VPS50: variants seen among roughly 807,000 people sequenced by gnomAD.
VPS50 encodes VPS50 subunit of EARP/GARPII complex.
VPS50 carries 70 observed loss-of-function variants against 139.7 expected under a neutral mutation model. The ratio of observed to expected loss-of-function variants is 0.50; its 90% CI spans 0.41 to 0.61. The LOEUF is 0.61. VPS50 is among the 20% of genes least tolerant of loss of function. VPS50 has a pLI of 0.00. For synonymous variants in VPS50, 365 were observed against 376.7 expected, an observed-to-expected ratio of 0.97 and a Z score of 0.36; for missense variants, 921 against 1,133.7, an observed-to-expected ratio of 0.81 and a Z score of 2.69.
chr7:93,258,865 T>C (rs1390043728), intron 8 of VPS50, among the ~76,000 whole-genome samples: 3 of 152,074 alleles, frequency 2.0e-5, no homozygotes, highest in Non-Finnish European at 4.4e-5. Flanking sequence ...CTCCTCATAA[T>C]ACTTGAGCTC....
chr7:93,293,346 T>C (rs929950534), intron 13 of VPS50, among the ~76,000 whole-genome samples: 3 of 152,202 alleles, frequency 2.0e-5, no homozygotes, highest in Non-Finnish European at 2.9e-5. Context: ...GTGACAGTTA[T>C]GTATATATTC....
At chr7:93,290,789 G>A (rs1796626455) in intron 12 of VPS50, among the ~76,000 whole-genome samples, 1 of 151,878 alleles carries the variant, frequency 6.6e-6, no homozygotes, top group Admixed American at 6.6e-5. Context: ...GAGTTTAGAG[G>A]GAGAGATCAT....
intron 9 of VPS50, among the ~76,000 whole-genome samples, chr7:93,262,151 A>G (rs1393873595): frequency 6.6e-6 from 1 of 152,224 alleles, no homozygotes; most frequent in Non-Finnish European, 1.5e-5. Context: ...TTGACTTTGA[A>G]AAGGTCACTG....
At chr7:93,302,619 G>A (rs1221580848) in intron 16 of VPS50, among the ~76,000 whole-genome samples, 1 of 151,342 alleles carries the variant, frequency 6.6e-6, no homozygotes, top group Non-Finnish European at 1.5e-5. Flanking sequence ...GTCCTTGTCT[G>A]TTAACTCTAG....
intron 16 of VPS50, among the ~76,000 whole-genome samples, chr7:93,297,504 T>C (rs1433669636): frequency 6.6e-6 from 1 of 152,120 alleles, no homozygotes; most frequent in African/African-American, 2.4e-5. Flanking sequence ...TAAAACATGA[T>C]TATTATATCA....
chr7:93,352,833 G>A lies in VPS50; in HGVS notation c.2464-807G>A, dbSNP rs17165280. Among the ~76,000 whole-genome samples, 79 of 152,194 alleles carry A rather than the reference G, an allele frequency of 5.2e-4. 1 individual carries two copies. In the East Asian group the frequency reaches 0.015, roughly 29 times the overall value. On this transcript the variant is annotated intron_variant, in intron 25 of 27. Coordinates refer to ENST00000305866, the MANE Select transcript of VPS50 (RefSeq NM_017667.4). ...ATATTCAGTTTTTCTGTAGGTAATA[G>A]AAACTATGTTTTATTGTTTCCGTTG...
chr7:93,266,017 G>A (rs1403930218), intron 9 of VPS50, among the ~76,000 whole-genome samples: 1 of 152,154 alleles, frequency 6.6e-6, no homozygotes, highest in Non-Finnish European at 1.5e-5. Flanking sequence ...AGAGTTGTTG[G>A]TTTAACTTTA....
At chr7:93,317,376 C>T (rs1242045945) in intron 20 of VPS50, among the ~76,000 whole-genome samples, 1 of 152,056 alleles carries the variant, frequency 6.6e-6, no homozygotes, top group Non-Finnish European at 1.5e-5. Context: ...ATAGCAAAAC[C>T]TTGTCTCTAC....
chr7:93,352,707 A>G (rs1227794947), intron 25 of VPS50, among the ~76,000 whole-genome samples: 1 of 152,206 alleles, frequency 6.6e-6, no homozygotes, highest in East Asian at 1.9e-4. Context: ...CATCCATTGA[A>G]GGCTAAACCT....
chr7:93,238,359 T>G (rs1325806253), intron 1 of VPS50, among the ~76,000 whole-genome samples: 4 of 151,828 alleles, frequency 2.6e-5, no homozygotes, highest in Non-Finnish European at 4.4e-5. Context: ...CATGTTCCCA[T>G]GGGAACAATG....
At chr7:93,258,551 C>G (rs373803205) in intron 8 of VPS50, among the ~76,000 whole-genome samples, 159 bp downstream of exon 8, 2 of 151,904 alleles carry the variant, frequency 1.3e-5, no homozygotes, top group Admixed American at 6.6e-5. Context: ...TGCTCTGGAG[C>G]CTTTTTCTAT....
Position 93,308,873 on chromosome 7 carries a change from A to T in VPS50, c.1679A>T (p.Asp560Val). 1 of 1,608,842 alleles carries T rather than the reference A, an allele frequency of 6.2e-7. No individual in the cohort carries two copies. Among genetic ancestry groups the T allele is most frequent in the Non-Finnish European group, 8.5e-7 (1 of 1,175,834 alleles). The change falls in exon 19 of 28, where the codon GAC becomes GTC. Residue 560 changes from aspartate to valine, a missense_variant. By Grantham distance (152) the Asp-to-Val change is radical. Transcript: ENST00000305866. ...EKSAYQEYDS[D>V]SDVPEELKRD... ...AGTGCCTATCAAGAGTATGACAGTG[A>T]CAGTGATGTTCCTGAGGAACTCAAA...
intron 25 of VPS50, among the ~76,000 whole-genome samples, chr7:93,352,258 A>C (rs948050590): frequency 6.6e-6 from 1 of 152,210 alleles, no homozygotes; most frequent in Non-Finnish European, 1.5e-5. Flanking sequence ...AAATAAATAC[A>C]GTAACAAATA....
At chr7:93,269,668 C>T (rs181626742) in intron 9 of VPS50, among the ~76,000 whole-genome samples, 1 of 151,986 alleles carries the variant, frequency 6.6e-6, no homozygotes. Context: ...TTGAAAGGCT[C>T]TATAAGAAGC....
Position 93,239,851 on chromosome 7 carries a change from T to C in VPS50, c.34-15T>C. 1 of 1,522,630 alleles carries C rather than the reference T, an allele frequency of 6.6e-7. No homozygotes were observed. The highest frequency in any genetic ancestry group is 9.1e-7 in the Non-Finnish European group (1 of 1,098,064). The allele number at this position is 1,522,630 out of a possible 1,614,324, so 94.3% of individuals were successfully genotyped here. On this transcript the variant is annotated splice_polypyrimidine_tract_variant and intron_variant, in intron 1 of 27. Transcript: ENST00000305866. ...AGCATGATTAAAATTTTCCTCATCT[T>C]ATTATTTTTTTAAGGGTCTGAAAAG...
At chr7:93,235,519 C>T (rs1459505809) in intron 1 of VPS50, among the ~76,000 whole-genome samples, 3 of 152,054 alleles carry the variant, frequency 2.0e-5, no homozygotes, top group African/African-American at 4.8e-5. Context: ...GTAAGCCTTC[C>T]ACCCTAGTGG....
chr7:93,352,149 C>T (rs1027488834), intron 25 of VPS50, among the ~76,000 whole-genome samples: 6 of 152,022 alleles, frequency 3.9e-5, no homozygotes, highest in African/African-American at 1.4e-4. Context: ...ATTTTGTACA[C>T]AAAGCATTTT....
chr7:93,278,810 T>TAC (rs1161126611), intron 12 of VPS50, among the ~76,000 whole-genome samples: 2 of 151,746 alleles, frequency 1.3e-5, no homozygotes, highest in Admixed American at 6.6e-5. Flanking sequence ...TACATATATA[T>TAC]ACACACACAC....
chr7:93,339,741 C>T (rs556218063), intron 22 of VPS50, among the ~76,000 whole-genome samples: 2 of 152,200 alleles, frequency 1.3e-5, no homozygotes, highest in South Asian at 4.1e-4. Flanking sequence ...TGTTTAGCAT[C>T]TCTTCTAACT....
Sources: gnomAD v4.1 joint callset for allele counts (sites outside exome capture counted in the v4.1 genomes callset) on GRCh38, gnomAD v4.1.1 for gene constraint, MANE v1.5 for transcripts, NCBI Gene and HGNC (gene_info 2026-07-23, HGNC 2026-07-21) for gene names.